Variants in CHRM2 observed in about 807,000 individuals in gnomAD.
CHRM2 encodes the protein cholinergic receptor muscarinic 2, also known as muscarinic acetylcholine receptor M2.
CHRM2 carries 8 observed loss-of-function variants against 25.0 expected under a neutral mutation model. The observed-to-expected ratio is 0.32, with a 90% confidence interval of 0.19 to 0.58. The LOEUF (loss-of-function observed/expected upper bound fraction) is 0.58. Among genes scored for constraint, CHRM2 ranks in the 20% least tolerant of loss-of-function variants. The pLI, the probability that CHRM2 is intolerant of heterozygous loss-of-function variation, is 0.88. For missense variants in CHRM2, 440 were observed against 567.1 expected, an observed-to-expected ratio of 0.78 and a Z score of 2.28; for synonymous variants, 202 against 205.7, an observed-to-expected ratio of 0.98 and a Z score of 0.15.
At chr7:136,949,579 G>A in intron 2 of CHRM2, among the ~76,000 whole-genome samples, 1 of 151,916 alleles carries the variant, frequency 6.6e-6, no homozygotes, top group East Asian at 1.9e-4. Flanking sequence ...AATAAGTTAT[G>A]ATTGTGCCAC....
Position 136,930,927 on chromosome 7 carries a change from A to AAAAAAAAAAAAAAAAAAG in CHRM2, c.-124-61260_-124-61259insAAAAAAAAAAAAAAAAAG, listed in dbSNP as rs1290104978. 6.5e-5 allele frequency among the ~76,000 whole-genome samples: 9 copies of AAAAAAAAAAAAAAAAAAG among 138,660 alleles called. 1 individual carries two copies. Among genetic ancestry groups the AAAAAAAAAAAAAAAAAAG allele is most frequent in the South Asian group, 2.3e-4 (1 of 4,356 alleles). 91.0% of individuals were successfully genotyped at this position (138,660 alleles called of 152,430 possible). ...AAAAAAAAAAAAAAAAAAAAAAAAA[A>AAAAAAAAAAAAAAAAAAG]GGATAGAAAGATCCTTACCACATAT... On this transcript the variant is annotated intron_variant, in intron 2 of 3. Transcript: ENST00000680005.
intron 3 of CHRM2, among the ~76,000 whole-genome samples, chr7:137,000,363 T>A (rs1803915565): frequency 6.6e-6 from 1 of 151,494 alleles, no homozygotes; most frequent in African/African-American, 2.4e-5. Context: ...TATGCCCAGC[T>A]ATTTTTTTGT....
intron 2 of CHRM2, among the ~76,000 whole-genome samples, chr7:136,960,781 C>G (rs148620449): frequency 2.2e-4 from 33 of 152,228 alleles, no homozygotes; most frequent in Non-Finnish European, 3.7e-4. Flanking sequence ...CTTTCACTTG[C>G]AATGGTTCAA....
rs77664899 is a variant in CHRM2, at chr7:136,969,445, C to A, written c.-124-22742C>A. On this transcript the variant is annotated intron_variant, in intron 2 of 3. Transcript: ENST00000680005. ...GATTTTTATGTCTCCAAATTCTTGA[C>A]TGCTTATTCAAATTTCACCTGTATC... Among the ~76,000 whole-genome samples the A allele has an allele frequency of 5.9e-5, 9 of 152,268 alleles. No individual in the cohort carries two copies. The East Asian group carries it at 1.5e-3, about 26-fold the overall frequency.
chr7:136,925,543 T>A (rs1798696691), intron 2 of CHRM2, among the ~76,000 whole-genome samples: 1 of 152,022 alleles, frequency 6.6e-6, no homozygotes, highest in Non-Finnish European at 1.5e-5. Flanking sequence ...TAAACAGCTT[T>A]TTTTTTTCTA....
chr7:137,016,400 A>T lies in CHRM2; in HGVS notation c.*134A>T. 1.0e-6 allele frequency: 1 copy of T among 954,916 alleles called. No individual in the cohort carries two copies. Among genetic ancestry groups the T allele is most frequent in the South Asian group, 1.5e-5 (1 of 66,948 alleles). 59.2% of individuals were successfully genotyped at this position (954,916 alleles called of 1,614,324 possible). A position where few individuals can be genotyped will look rare whatever the true frequency, so the allele number is the denominator to read the frequency against. ...TACAAAACGTGCAATTCAGGAGCCC[A>T]GCAGTGACACACTTATCACGCCTAG... is the stretch of plus-strand genomic sequence containing the variant. On this transcript the variant is annotated 3_prime_UTR_variant, in exon 4 of 4. Transcript: ENST00000680005.
chr7:136,953,591 G>A (rs999142909), intron 2 of CHRM2, among the ~76,000 whole-genome samples: 3 of 152,000 alleles, frequency 2.0e-5, no homozygotes, highest in Non-Finnish European at 2.9e-5. Context: ...TGCCTGTTAC[G>A]TGCATTCTAC....
chr7:136,984,453 C>T (rs868228846), intron 2 of CHRM2, among the ~76,000 whole-genome samples: 1 of 152,010 alleles, frequency 6.6e-6, no homozygotes, highest in South Asian at 2.1e-4. Context: ...GTGAACAGTT[C>T]TGTCTCGCTG....
intron 3 of CHRM2, among the ~76,000 whole-genome samples, chr7:137,000,793 C>T (rs891432640): frequency 2.0e-5 from 3 of 151,714 alleles, no homozygotes; most frequent in East Asian, 3.9e-4. Context: ...ACACCTGTCA[C>T]GATTTTTTAT....
intron 2 of CHRM2, among the ~76,000 whole-genome samples, chr7:136,878,516 C>T (rs1796135410): frequency 6.6e-6 from 1 of 151,766 alleles, no homozygotes; most frequent in African/African-American, 2.4e-5. Flanking sequence ...GGATATTTTC[C>T]ATGGCTAGTT....
Position 137,014,954 on chromosome 7 carries a change from C to T in CHRM2, c.89C>T (p.Ala30Val). The T allele has an allele frequency of 6.2e-7, 1 of 1,613,240 alleles. No individual in the cohort carries two copies. The highest frequency in any genetic ancestry group is 8.5e-7 in the Non-Finnish European group (1 of 1,179,530). Residue 30 changes from alanine (A) to valine (V), a missense_variant, in exon 4 of 4, where the codon GCT becomes GTT. Ala to Val is a moderately conservative substitution (Grantham distance 64). Around this residue, in one of 5 missense-constraint regions of CHRM2, gnomAD observed 86 missense variants for 124.9 expected, o/e 0.69. Transcript: ENST00000680005. Reference protein sequence around the residue: ...TFEVVFIVLVAGSLSLVTIIG... With the variant: ...TFEVVFIVLVVGSLSLVTIIG... ...GAAGTGGTGTTTATTGTCCTGGTGG[C>T]TGGATCCCTCAGTTTGGTGACCATT...
At chr7:136,967,031 A>C (rs1049481239) in intron 2 of CHRM2, among the ~76,000 whole-genome samples, 2 of 152,016 alleles carry the variant, frequency 1.3e-5, no homozygotes, top group Non-Finnish European at 2.9e-5. Context: ...GTGATGATCT[A>C]GGAACAATAA....
chr7:136,922,537 A>T (rs112554740), intron 2 of CHRM2, among the ~76,000 whole-genome samples: 3 of 152,186 alleles, frequency 2.0e-5, no homozygotes, highest in Non-Finnish European at 2.9e-5. Context: ...ATATCTTTCC[A>T]TACTCTATGT....
intron 2 of CHRM2, among the ~76,000 whole-genome samples, chr7:136,976,109 A>T (rs1802088260): frequency 1.3e-5 from 2 of 152,310 alleles, no homozygotes; most frequent in Non-Finnish European, 2.9e-5. Context: ...TATATTATAA[A>T]AAATGAGCCA....
intron 2 of CHRM2, among the ~76,000 whole-genome samples, chr7:136,952,912 T>C (rs1033416750): frequency 6.6e-6 from 1 of 152,202 alleles, no homozygotes. Flanking sequence ...ATGATCTCGT[T>C]CTTTTTTATG....
intron 2 of CHRM2, among the ~76,000 whole-genome samples, chr7:136,979,124 C>T (rs987278910): frequency 9.9e-5 from 15 of 152,144 alleles, no homozygotes; most frequent in African/African-American, 3.4e-4. Context: ...TGTTTCCCGA[C>T]TTTTTAATGA....
rs925033704 is a variant in CHRM2 at position 136,929,256 on chromosome 7, T to C, written c.-125+59838T>C. Among the ~76,000 whole-genome samples the C allele has an allele frequency of 5.4e-5, 8 of 148,776 alleles. 2 individuals carry two copies. Among genetic ancestry groups the C allele is most frequent in the Admixed American group, 2.0e-4 (3 of 15,096 alleles). On this transcript the variant is annotated intron_variant, in intron 2 of 3. Coordinates refer to ENST00000680005, the MANE Select transcript of CHRM2 (RefSeq NM_001006630.2). ...CCTTCTCCTTGCCTCTAAAAGCACA[T>C]TTTTTTCTTTTCTTTCTTTTTTTTT... is the stretch of plus-strand genomic sequence containing the variant.
chr7:136,970,879 A>G (rs1554427925), intron 2 of CHRM2, among the ~76,000 whole-genome samples: 1 of 152,114 alleles, frequency 6.6e-6, no homozygotes, highest in Non-Finnish European at 1.5e-5. Flanking sequence ...TAAGATCACC[A>G]TTTTTCCTTC....
chr7:136,904,840 G>A (rs765707962), intron 2 of CHRM2, among the ~76,000 whole-genome samples: 6 of 151,908 alleles, frequency 3.9e-5, no homozygotes, highest in Non-Finnish European at 8.8e-5. Context: ...AAAAGAGCAC[G>A]GGTTTAGAAT....
Sources: allele counts gnomAD v4.1 joint callset (sites outside exome capture counted in the v4.1 genomes callset), GRCh38; gene constraint gnomAD v4.1.1; regional missense constraint gnomAD v4.1.1; transcripts MANE v1.5; gene names NCBI Gene and HGNC (gene_info 2026-07-23, HGNC 2026-07-21).